The following ZFAT variants were observed in gnomAD, a reference collection of about 807,000 sequenced individuals.
ZFAT encodes the protein zinc finger and AT-hook domain containing, also known as zinc finger protein ZFAT.
Under a neutral mutation model 117.7 loss-of-function variants are expected in ZFAT, and 64 were observed. The ratio of observed to expected loss-of-function variants is 0.54; its 90% CI spans 0.44 to 0.67. ZFAT has a LOEUF of 0.67. Among genes scored for constraint, ZFAT ranks in the 30% least tolerant of loss-of-function variants. ZFAT has a pLI of 0.00. For missense variants in ZFAT, 1,433 were observed against 1,584.5 expected, an observed-to-expected ratio of 0.90 and a Z score of 1.62; for synonymous variants, 679 against 615.0, an observed-to-expected ratio of 1.10 and a Z score of -1.54.
At chr8:134,771,469 A>G in the ZFAT span, among the ~76,000 whole-genome samples, 2 of 152,190 alleles carry the variant, frequency 1.3e-5, no homozygotes, top group Non-Finnish European at 2.9e-5. Context: ...AAATGCTGCC[A>G]GTGTCTTTGC....
chr8:134,653,118 A>G (rs2467030), intron 2 of ZFAT, among the ~76,000 whole-genome samples: 108,356 of 149,782 alleles, frequency 0.72, 39,797 homozygotes, highest in African/African-American at 0.83. Context: ...TTGTGTACTT[A>G]ACATTTGCTA....
chr8:134,488,275 G>A (rs188386037), intron 15 of ZFAT, among the ~76,000 whole-genome samples: 1 of 152,332 alleles, frequency 6.6e-6, no homozygotes, highest in Non-Finnish European at 1.5e-5. Context: ...AGTTTGCTGG[G>A]GCTGGAAGTG....
At chr8:134,579,194 T>C (rs990361522) in intron 10 of ZFAT, among the ~76,000 whole-genome samples, 15 of 152,280 alleles carry the variant, frequency 9.9e-5, no homozygotes, top group Admixed American at 7.2e-4. Context: ...GTTTCAGACA[T>C]GGCAGTGCCA....
intron 1 of ZFAT, among the ~76,000 whole-genome samples, chr8:134,681,203 T>G (rs1833053604): frequency 6.6e-6 from 1 of 152,166 alleles, no homozygotes. Flanking sequence ...AAAGGCTGGC[T>G]ATGGACCCCA....
chr8:134,664,896 C>T (rs986401173), intron 1 of ZFAT, among the ~76,000 whole-genome samples: 1 of 152,180 alleles, frequency 6.6e-6, no homozygotes, highest in African/African-American at 2.4e-5. Context: ...ATATTCAGCA[C>T]AAAGAAAATC....
At chr8:134,610,381 G>A in intron 4 of ZFAT, 89 bp downstream of exon 4, 1 of 1,389,444 alleles carries the variant, frequency 7.2e-7, no homozygotes. Flanking sequence ...CACCAGCTCT[G>A]TGTTCTGACT....
chr8:134,819,869 A>G, the ZFAT span, among the ~76,000 whole-genome samples: 3 of 152,006 alleles, frequency 2.0e-5, no homozygotes, highest in Admixed American at 2.0e-4. Context: ...CACGGGGGGA[A>G]GAAAAAAAAA....
intron 2 of ZFAT, among the ~76,000 whole-genome samples, chr8:134,647,508 G>A (rs1201127810): frequency 6.6e-6 from 1 of 152,148 alleles, no homozygotes; most frequent in Non-Finnish European, 1.5e-5. Context: ...ATGCTTCCTG[G>A]CATTGGAAGT....
intron 3 of ZFAT, among the ~76,000 whole-genome samples, chr8:134,635,991 C>G (rs1830189196): frequency 6.6e-6 from 1 of 152,172 alleles, no homozygotes; most frequent in African/African-American, 2.4e-5. Flanking sequence ...TGCAGCCCCA[C>G]AAGGTTTTAC....
chr8:134,732,158 G>A, the ZFAT span, among the ~76,000 whole-genome samples: 2 of 152,188 alleles, frequency 1.3e-5, no homozygotes, highest in South Asian at 4.1e-4. Flanking sequence ...ATATTATCCG[G>A]TTATCACTGG....
chr8:134,795,990 G>T, the ZFAT span: 1 of 152,150 alleles, frequency 6.6e-6, no homozygotes. Flanking sequence ...CAGAAACTCA[G>T]AAGGACAGGG....
intron 10 of ZFAT, among the ~76,000 whole-genome samples, chr8:134,570,320 G>C (rs1412348864): frequency 1.3e-5 from 2 of 152,002 alleles, no homozygotes; most frequent in African/African-American, 2.4e-5. Context: ...TACTGAAATG[G>C]AATCATTTCA....
the ZFAT span, among the ~76,000 whole-genome samples, chr8:134,745,008 C>T: frequency 2.7e-5 from 4 of 150,018 alleles, no homozygotes; most frequent in South Asian, 2.1e-4. Flanking sequence ...GAATTACAGG[C>T]GTAGCCACCG....
At chr8:134,753,263 TG>T in the ZFAT span, among the ~76,000 whole-genome samples, 2 of 126,902 alleles carry the variant, frequency 1.6e-5, no homozygotes, top group African/African-American at 3.1e-5. Context: ...CTATCTATTT[TG>T]GGGGGGCAGA....
chr8:134,583,817 G>C lies in ZFAT; in HGVS notation c.2887+15C>G. On this transcript the variant is annotated intron_variant, in intron 10 of 15. Transcript: ENST00000377838. ...ACATTTAGAGGGGAAAGTTCACCTT[G>C]GGCCATTTACTCACCATCTGCAGTG... 6.2e-7 allele frequency: 1 copy of C among 1,612,632 alleles called. No individual in the cohort carries two copies. The highest frequency in any genetic ancestry group is 1.7e-4 in the Middle Eastern group (1 of 6,058).
At chr8:134,524,948 C>A (rs992616126) in intron 12 of ZFAT, among the ~76,000 whole-genome samples, 1 of 152,182 alleles carries the variant, frequency 6.6e-6, no homozygotes, top group East Asian at 1.9e-4. Flanking sequence ...TTCACAACAG[C>A]GCAATGACAC....
Position 134,535,515 on chromosome 8 carries a change from C to T in ZFAT, c.2977-2543G>A, listed in dbSNP as rs1190350783. ...CCCCTCCCCCTCCCTCTCCCTCCCT[C>T]TCCCTCCCTCTCTCAATCTGGTCAG... On this transcript the variant is annotated intron_variant, in intron 11 of 15. Transcript: ENST00000377838. 3.5e-5 allele frequency among the ~76,000 whole-genome samples: 5 copies of T among 142,728 alleles called. No homozygotes were observed. In the East Asian group the frequency reaches 1.1e-3, roughly 31 times the overall value. The allele number at this position is 142,728 out of a possible 152,430, so 93.6% of individuals were successfully genotyped here. A position where few individuals can be genotyped will look rare whatever the true frequency, so the allele number is the denominator to read the frequency against.
chr8:134,509,887 A>G (rs1335949856), intron 14 of ZFAT, 138 bp from the exon 15 acceptor site: 2 of 1,135,670 alleles, frequency 1.8e-6, no homozygotes, highest in Non-Finnish European at 2.5e-6. Context: ...GCTCAGTTTG[A>G]CAACAGAAAT....
intron 11 of ZFAT, chr8:134,564,875 G>A (rs1824314571): frequency 1.0e-6 from 1 of 980,140 alleles, no homozygotes; most frequent in Non-Finnish European, 1.3e-6. Context: ...ACCATCTCCT[G>A]AGCCCCTGCA....
Sources: gnomAD v4.1 joint callset for allele counts (sites outside exome capture counted in the v4.1 genomes callset) on GRCh38, gnomAD v4.1.1 for gene constraint, MANE v1.5 for transcripts, NCBI Gene and HGNC (gene_info 2026-07-23, HGNC 2026-07-21) for gene names.